LGSN: variants seen among roughly 807,000 people sequenced by gnomAD.
The protein encoded by LGSN is lengsin.
In LGSN, 21 loss-of-function variants were observed where a neutral mutation model predicts 19.5. The observed-to-expected ratio is 1.07, with a 90% CI of 0.76 to 1.55. The LOEUF is 1.55. Among genes scored for constraint, LGSN ranks in the 40% most tolerant of loss-of-function variants. The pLI, the probability that LGSN is intolerant of heterozygous loss-of-function variation, is 0.00. For synonymous variants in LGSN, 257 were observed against 215.6 expected (o/e 1.19, Z -1.68); for missense variants, 673 against 608.5 (o/e 1.11, Z -1.12).
At chr6:63,379,966 T>C in the LGSN span, among the ~76,000 whole-genome samples, 2 of 152,204 alleles carry the variant, frequency 1.3e-5, no homozygotes, top group South Asian at 4.1e-4. Flanking sequence ...GCCTCCCAAG[T>C]ATCTGGGATT....
At chr6:63,568,122 C>T in the LGSN span, among the ~76,000 whole-genome samples, 1 of 152,230 alleles carries the variant, frequency 6.6e-6, no homozygotes, top group Non-Finnish European at 1.5e-5. Flanking sequence ...ACTTTCTTAT[C>T]ATTCCTGTGT....
the LGSN span, among the ~76,000 whole-genome samples, chr6:63,456,348 TATACATATATATATATATA>T: frequency 1.1e-4 from 1 of 8,842 alleles, no homozygotes; most frequent in African/African-American, 4.0e-4. Context: ...TTGGCAGAAA[TATACATATATATATATATA>T]TATATATATA....
chr6:63,290,566 G>A (rs964160383), intron 2 of LGSN, among the ~76,000 whole-genome samples: 5 of 152,154 alleles, frequency 3.3e-5, no homozygotes, highest in Non-Finnish European at 7.3e-5. Context: ...TTTGAAACTA[G>A]ATCTGGCAAC....
At chr6:63,424,997 C>T in the LGSN span, among the ~76,000 whole-genome samples, 1 of 152,256 alleles carries the variant, frequency 6.6e-6, no homozygotes, top group Non-Finnish European at 1.5e-5. Context: ...AGACATTCTA[C>T]TGATGGCTAT....
chr6:63,362,702 G>A, the LGSN span, among the ~76,000 whole-genome samples: 10 of 152,276 alleles, frequency 6.6e-5, no homozygotes, highest in East Asian at 1.5e-3. Flanking sequence ...AGCCGGGAAG[G>A]TCGAACTGGG....
At chr6:63,481,236 A>T in the LGSN span, among the ~76,000 whole-genome samples, 1 of 152,152 alleles carries the variant, frequency 6.6e-6, no homozygotes, top group Admixed American at 6.5e-5. Context: ...GCTAGGAATA[A>T]AACTACATAT....
chr6:63,512,498 C>A, the LGSN span, among the ~76,000 whole-genome samples: 1 of 152,180 alleles, frequency 6.6e-6, no homozygotes, highest in Non-Finnish European at 1.5e-5. Context: ...ATCTTCCATG[C>A]CCCACTTTTT....
the LGSN span, among the ~76,000 whole-genome samples, chr6:63,433,148 A>T: frequency 6.6e-6 from 1 of 151,652 alleles, no homozygotes; most frequent in South Asian, 2.1e-4. Context: ...CTCTTTTATC[A>T]TCGCAGAAGG....
the LGSN span, among the ~76,000 whole-genome samples, chr6:63,518,309 C>T: frequency 6.6e-6 from 1 of 152,092 alleles, no homozygotes; most frequent in Non-Finnish European, 1.5e-5. Context: ...AATTCTCTTG[C>T]TTGTATTTAC....
chr6:63,322,184 A>G (rs181401272), upstream of LGSN, among the ~76,000 whole-genome samples: 2 of 152,338 alleles, frequency 1.3e-5, no homozygotes, highest in African/African-American at 4.8e-5. Flanking sequence ...GATTAAATCT[A>G]TTCTTTCACT....
chr6:63,572,910 A>T, the LGSN span, among the ~76,000 whole-genome samples: 4 of 152,078 alleles, frequency 2.6e-5, no homozygotes, highest in Non-Finnish European at 5.9e-5. Flanking sequence ...GTGCGGAGGC[A>T]GATGCCGGGC....
chr6:63,281,331 A>ATATATATATATAT (rs35210619), intron 3 of LGSN, 111 bp from the exon 4 acceptor site: 6 of 140,670 alleles, frequency 4.3e-5, no homozygotes, highest in Admixed American at 1.6e-4. Context: ...ATATATATAT[A>ATATATATATATAT]ATAAATATAT....
At chr6:63,329,256 T>G in the LGSN span, among the ~76,000 whole-genome samples, 8 of 152,186 alleles carry the variant, frequency 5.3e-5, no homozygotes, top group South Asian at 1.7e-3. Context: ...ACCGTCCACA[T>G]AAGTTGGGAC....
At chr6:63,296,029 A>G (rs1385206915) in intron 1 of LGSN, among the ~76,000 whole-genome samples, 1 of 152,176 alleles carries the variant, frequency 6.6e-6, no homozygotes, top group Non-Finnish European at 1.5e-5. Context: ...GGCAAGTTAT[A>G]TGAATATATG....
chr6:63,543,877 G>C, the LGSN span, among the ~76,000 whole-genome samples: 7 of 152,110 alleles, frequency 4.6e-5, no homozygotes, highest in Admixed American at 4.6e-4. Flanking sequence ...TTTACTCTTC[G>C]TGTTTATTTG....
chr6:63,494,399 A>G, the LGSN span, among the ~76,000 whole-genome samples: 2 of 152,158 alleles, frequency 1.3e-5, no homozygotes, highest in Non-Finnish European at 2.9e-5. Context: ...TGTAATATGT[A>G]TATATACACA....
chr6:63,467,421 A>G, the LGSN span, among the ~76,000 whole-genome samples: 1 of 152,180 alleles, frequency 6.6e-6, no homozygotes, highest in East Asian at 1.9e-4. Flanking sequence ...CTAGTGCTGC[A>G]ATAACAAAAT....
chr6:63,362,953 C>A, the LGSN span, among the ~76,000 whole-genome samples: 3 of 152,156 alleles, frequency 2.0e-5, no homozygotes, highest in Admixed American at 6.5e-5. Flanking sequence ...CCAGTAGGGG[C>A]CGACTGACAC....
In LGSN at chr6:63,280,319, G is replaced by A; in HGVS notation, c.1232C>T (p.Ser411Leu). ...CACCAAGTAAGGGTTTGCTGTTGCT[G>A]AGCCTAGTTTATTTTCTATCCGGGT... The part of the protein sequence containing the change: ...KGTRIENKLG[S>L]ATANPYLVLA... The change falls in exon 4 of 4, where the codon TCA becomes TTA. Residue 411 changes from serine to leucine, a missense_variant. Transcript: ENST00000370657. 1.9e-6 allele frequency: 3 copies of A among 1,614,196 alleles called. No individual in the cohort carries two copies. The highest frequency in any genetic ancestry group is 1.7e-6 in the Non-Finnish European group (2 of 1,180,036).
Sources: gnomAD v4.1 joint callset for allele counts (sites outside exome capture counted in the v4.1 genomes callset) on GRCh38, gnomAD v4.1.1 for gene constraint, MANE v1.5 for transcripts, NCBI Gene and HGNC (gene_info 2026-07-23, HGNC 2026-07-21) for gene names.